The following BCL11B variants were observed in gnomAD, a reference collection of about 807,000 sequenced individuals.
BCL11B encodes the protein B-cell lymphoma/leukemia 11B.
A neutral mutation model predicts 49.9 loss-of-function variants in BCL11B; 8 were observed. The ratio of observed to expected loss-of-function variants is 0.16; its 90% CI spans 0.09 to 0.29. The LOEUF (loss-of-function observed/expected upper bound fraction) is 0.29, where lower values mean the gene tolerates loss of function less well. BCL11B is among the 10% of genes least tolerant of loss of function. The pLI is 1.00. For synonymous variants in BCL11B, 739 were observed against 637.4 expected (o/e 1.16, Z -2.40); for missense variants, 1,006 against 1,351.0 (o/e 0.74, Z 4.00).
At chr14:99,261,356 T>C (rs1235453219) in intron 1 of BCL11B, among the ~76,000 whole-genome samples, 3 of 151,692 alleles carry the variant, frequency 2.0e-5, no homozygotes, top group Non-Finnish European at 4.4e-5. Flanking sequence ...GTATCGATAA[T>C]GGAAGAAATA....
rs117748925 is a variant in BCL11B, at chr14:99,203,016, G to A, written c.641-26821C>T. Among the ~76,000 whole-genome samples, 212 of 152,254 alleles carry A rather than the reference G, an allele frequency of 1.4e-3. 2 individuals are homozygous for A. The East Asian group carries it at 0.03, about 21-fold the overall frequency. On this transcript the variant is annotated intron_variant, in intron 3 of 3. Transcript: ENST00000357195. ...GAAATACACAGGGTCCCCTCATCCC[G>A]GCTCTCAGCTGTTCAATGTCCGCAC...
At chr14:99,191,391 G>C (rs1004403852) in intron 3 of BCL11B, among the ~76,000 whole-genome samples, 1 of 132,480 alleles carries the variant, frequency 7.5e-6, no homozygotes, top group African/African-American at 2.8e-5. Context: ...TGTGGGGACC[G>C]CACCTAAATC....
At chr14:99,201,043 G>T (rs543051996) in intron 3 of BCL11B, among the ~76,000 whole-genome samples, 94 of 152,194 alleles carry the variant, frequency 6.2e-4, no homozygotes, top group Admixed American at 2.9e-3. Context: ...AGGCAGGTCG[G>T]ACAGTGGACA....
At chr14:99,209,912 A>G (rs993216770) in intron 3 of BCL11B, among the ~76,000 whole-genome samples, 2 of 152,210 alleles carry the variant, frequency 1.3e-5, no homozygotes, top group East Asian at 1.9e-4. Flanking sequence ...ACTTAGGCCA[A>G]TGCCTCCAGC....
intron 2 of BCL11B, among the ~76,000 whole-genome samples, chr14:99,250,384 C>T (rs1469684458): frequency 2.0e-5 from 3 of 151,880 alleles, no homozygotes; most frequent in Admixed American, 6.6e-5. Flanking sequence ...GCTGAGATCG[C>T]GCCCTTGCAC....
intron 3 of BCL11B, among the ~76,000 whole-genome samples, chr14:99,225,312 T>C (rs145588405): frequency 6.6e-6 from 1 of 152,302 alleles, no homozygotes; most frequent in African/African-American, 2.4e-5. Flanking sequence ...AGATGATCTC[T>C]TGGGATCCCT....
intron 3 of BCL11B, among the ~76,000 whole-genome samples, chr14:99,186,371 A>G (rs1366669359): frequency 6.6e-6 from 1 of 152,198 alleles, no homozygotes. Context: ...AAATACAAAA[A>G]TTAGCCAGCA....
chr14:99,183,504 G>A (rs1322796687), intron 3 of BCL11B, among the ~76,000 whole-genome samples: 3 of 152,052 alleles, frequency 2.0e-5, no homozygotes, highest in South Asian at 2.1e-4. Context: ...CTGCCAGCAC[G>A]AGCCATGTTC....
chr14:99,171,598 G>A lies in BCL11B; in HGVS notation c.*2553C>T, dbSNP rs1886291502. 1 of 211,592 alleles carries A rather than the reference G, an allele frequency of 4.7e-6. No homozygotes were observed. Among genetic ancestry groups the A allele is most frequent in the African/African-American group, 2.3e-5 (1 of 43,912 alleles). The allele number at this position is 211,592 out of a possible 1,614,324, so 13.1% of individuals were successfully genotyped here. A position where few individuals can be genotyped will look rare whatever the true frequency, so the allele number is the denominator to read the frequency against. On this transcript the variant is annotated 3_prime_UTR_variant, in exon 4 of 4. Transcript: ENST00000357195. The stretch of plus-strand genomic sequence containing the variant: ...GGCGGGAAGAGAAAAATAAGTACAG[G>A]TCAGAAATGTGATTTTTTTTTTTTC...
chr14:99,267,525 C>A (rs1362069281), intron 1 of BCL11B, among the ~76,000 whole-genome samples: 1 of 126,456 alleles, frequency 7.9e-6, no homozygotes, highest in Non-Finnish European at 1.6e-5. Context: ...CCCTTCTGTG[C>A]AGAAGGGAGA....
intron 2 of BCL11B, among the ~76,000 whole-genome samples, chr14:99,250,649 TA>T (rs1347747676): frequency 6.6e-6 from 1 of 152,152 alleles, no homozygotes; most frequent in Non-Finnish European, 1.5e-5. Context: ...AATGCCTGAT[TA>T]AAAAAACTTT....
At position 99,231,981 on chromosome 14, in the gene BCL11B, C is replaced by T. The variant is rs1392753831; in HGVS notation, c.428-424G>A. On this transcript the variant is annotated intron_variant, in intron 2 of 3. Transcript: ENST00000357195. This position sits in a 1 kb window ranked among gnomAD's most constrained non-coding sequence, Gnocchi z 8.1. ...CTCCCTGGAAGAGCTGGGAAGCTCA[C>T]AGCCTCCCCTGTTTGCTGTATCAGG... Among the ~76,000 whole-genome samples the T allele has an allele frequency of 6.6e-6, 1 of 152,118 alleles. No homozygotes were observed. The highest frequency in any genetic ancestry group is 1.9e-4 in the East Asian group (1 of 5,166).
At chr14:99,251,651 C>A (rs559559833) in intron 2 of BCL11B, among the ~76,000 whole-genome samples, 2 of 152,342 alleles carry the variant, frequency 1.3e-5, no homozygotes, top group Non-Finnish European at 2.9e-5. Flanking sequence ...CCCATCTCTC[C>A]AATGCCCTCA....
intron 3 of BCL11B, among the ~76,000 whole-genome samples, chr14:99,178,110 C>T (rs1023036920): frequency 3.9e-5 from 6 of 152,104 alleles, no homozygotes; most frequent in Admixed American, 3.3e-4. Flanking sequence ...ACTCCCCCCG[C>T]GACCTCAGAA....
intron 2 of BCL11B, among the ~76,000 whole-genome samples, chr14:99,244,222 C>A (rs1319433803): frequency 6.6e-6 from 1 of 152,124 alleles, no homozygotes; most frequent in East Asian, 1.9e-4. Flanking sequence ...GTCAGCCTCT[C>A]CCTCAGTGTA....
chr14:99,252,433 C>T (rs1889033604), intron 2 of BCL11B, among the ~76,000 whole-genome samples: 1 of 152,120 alleles, frequency 6.6e-6, no homozygotes, highest in Admixed American at 6.5e-5. Context: ...TTTTAAAAGT[C>T]TGGAGAGAAC....
intron 3 of BCL11B, among the ~76,000 whole-genome samples, chr14:99,182,189 A>C (rs1412426756): frequency 6.6e-6 from 1 of 152,154 alleles, no homozygotes; most frequent in Non-Finnish European, 1.5e-5. Flanking sequence ...GGTAACAAGA[A>C]AGCTTTATGA....
At chr14:99,270,477 A>G in intron 1 of BCL11B, among the ~76,000 whole-genome samples, 1 of 145,768 alleles carries the variant, frequency 6.9e-6, no homozygotes. Context: ...GGAGGTGGGG[A>G]AGTGGGGGGT....
rs1040429310 is a variant in BCL11B at position 99,192,917 on chromosome 14, GTGAA to G, written c.641-16726_641-16723del. ...AATGAGTGAATGAATGGATAAAAGA[GTGAA>G]TGAATGAATGAGTAAATTAGTGAAT... On this transcript the variant is annotated intron_variant, in intron 3 of 3. Transcript: ENST00000357195. This position sits in a 1 kb window ranked among gnomAD's most constrained non-coding sequence, Gnocchi z 4.0. Among the ~76,000 whole-genome samples the G allele has an allele frequency of 1.6e-4, 24 of 151,352 alleles. No individual in the cohort carries two copies. In the East Asian group the frequency reaches 3.7e-3, roughly 23 times the overall value.
Sources: allele counts gnomAD v4.1 joint callset (sites outside exome capture counted in the v4.1 genomes callset), GRCh38; gene constraint gnomAD v4.1.1; non-coding constraint Gnocchi (gnomAD v3.1); transcripts MANE v1.5; gene names NCBI Gene and HGNC (gene_info 2026-07-23, HGNC 2026-07-21).